Variants in SLC39A11 observed in about 807,000 individuals in gnomAD.
SLC39A11 encodes the protein zinc transporter ZIP11.
SLC39A11 carries 33 observed loss-of-function variants against 36.1 expected under a neutral mutation model. That is an observed-to-expected ratio of 0.91 (90% CI 0.69 to 1.22). SLC39A11 has a LOEUF of 1.22. Among genes scored for constraint, SLC39A11 ranks in the 50% most tolerant of loss-of-function variants. SLC39A11 has a pLI of 0.00. For missense variants in SLC39A11, 432 were observed against 430.3 expected, an observed-to-expected ratio of 1.00 and a Z score of -0.03; for synonymous variants, 166 against 170.3, an observed-to-expected ratio of 0.97 and a Z score of 0.20.
At chr17:72,999,980 C>G (rs2089727926) in intron 4 of SLC39A11, among the ~76,000 whole-genome samples, 1 of 151,960 alleles carries the variant, frequency 6.6e-6, no homozygotes, top group Non-Finnish European at 1.5e-5. Flanking sequence ...GAGCTCAGCT[C>G]ATCCACCCAC....
intron 4 of SLC39A11, among the ~76,000 whole-genome samples, chr17:72,966,976 T>C (rs1430010059): frequency 6.6e-6 from 1 of 152,158 alleles, no homozygotes; most frequent in African/African-American, 2.4e-5. Context: ...ATGAGCCCTA[T>C]TGTGAACTGT....
chr17:72,959,619 T>C (rs953298289), intron 4 of SLC39A11, among the ~76,000 whole-genome samples: 8 of 151,958 alleles, frequency 5.3e-5, no homozygotes, highest in Non-Finnish European at 1.2e-4. Flanking sequence ...GGGTGCTGTA[T>C]ACTGCTCGGG....
chr17:72,787,478 C>T (rs891669416), intron 6 of SLC39A11, among the ~76,000 whole-genome samples: 5 of 151,678 alleles, frequency 3.3e-5, no homozygotes, highest in East Asian at 2.0e-4. Context: ...AAGATTGTCT[C>T]GATCTCCTGA....
intron 6 of SLC39A11, among the ~76,000 whole-genome samples, chr17:72,782,687 C>CA (rs72447211): frequency 0.012 from 760 of 62,454 alleles, 63 homozygotes; most frequent in African/African-American, 0.029. Context: ...GACCCCATCT[C>CA]AAAAAAAAAA....
chr17:72,904,097 G>A (rs1466610177), intron 5 of SLC39A11, among the ~76,000 whole-genome samples: 1 of 152,210 alleles, frequency 6.6e-6, no homozygotes, highest in Non-Finnish European at 1.5e-5. Flanking sequence ...AGGGAGGGCA[G>A]ATGACACAGA....
intron 7 of SLC39A11, among the ~76,000 whole-genome samples, chr17:72,733,414 T>A (rs550193303): frequency 6.6e-6 from 1 of 152,180 alleles, no homozygotes; most frequent in African/African-American, 2.4e-5. Flanking sequence ...ATGAGACATA[T>A]ACCACTACTC....
At chr17:72,813,559 T>C in intron 6 of SLC39A11, among the ~76,000 whole-genome samples, 1 of 152,218 alleles carries the variant, frequency 6.6e-6, no homozygotes, top group South Asian at 2.1e-4. Flanking sequence ...TCTATCCTCC[T>C]CTATAATCAT....
intron 6 of SLC39A11, among the ~76,000 whole-genome samples, chr17:72,751,430 C>T (rs1028687866): frequency 6.6e-6 from 1 of 152,140 alleles, no homozygotes; most frequent in Non-Finnish European, 1.5e-5. Context: ...TCTTTCCTTC[C>T]TTCCTCCCTT....
intron 6 of SLC39A11, among the ~76,000 whole-genome samples, chr17:72,797,876 TAGA>T (rs757022119): frequency 2.0e-5 from 3 of 152,256 alleles, no homozygotes; most frequent in East Asian, 1.9e-4. Flanking sequence ...AGGGGAAGTC[TAGA>T]AGAAGGAGTT....
chr17:72,929,350 A>G (rs1435569406), intron 5 of SLC39A11, among the ~76,000 whole-genome samples: 2 of 152,198 alleles, frequency 1.3e-5, no homozygotes, highest in Admixed American at 6.5e-5. Flanking sequence ...GCTACCCCAT[A>G]AAGAACTGGC....
At chr17:72,919,540 C>T (rs1021658634) in intron 5 of SLC39A11, among the ~76,000 whole-genome samples, 12 of 151,628 alleles carry the variant, frequency 7.9e-5, no homozygotes, top group South Asian at 2.1e-4. Flanking sequence ...GGCGTGGTGG[C>T]GGGCGCCTGT....
At chr17:72,650,464 A>G (rs1009099320) in intron 7 of SLC39A11, among the ~76,000 whole-genome samples, 1 of 152,210 alleles carries the variant, frequency 6.6e-6, no homozygotes, top group Non-Finnish European at 1.5e-5. Context: ...ATCAGCCAAA[A>G]GTCAACTTGC....
intron 6 of SLC39A11, among the ~76,000 whole-genome samples, chr17:72,760,483 T>C (rs2075538860): frequency 6.6e-6 from 1 of 152,178 alleles, no homozygotes; most frequent in South Asian, 2.1e-4. Context: ...TGGCGTTGGT[T>C]TCCGTGTGGG....
chr17:72,856,931 T>C (rs2079672848), intron 5 of SLC39A11, among the ~76,000 whole-genome samples: 1 of 152,228 alleles, frequency 6.6e-6, no homozygotes, highest in African/African-American at 2.4e-5. Flanking sequence ...TCCACCTGCC[T>C]TGGCCTCCCA....
chr17:72,661,569 G>A (rs1055174110), intron 7 of SLC39A11, among the ~76,000 whole-genome samples: 3 of 152,160 alleles, frequency 2.0e-5, no homozygotes, highest in Non-Finnish European at 2.9e-5. Flanking sequence ...TCATCTTGCC[G>A]TGAAAGGCCT....
At chr17:72,819,680 C>A (rs2077700867) in intron 6 of SLC39A11, among the ~76,000 whole-genome samples, 1 of 151,206 alleles carries the variant, frequency 6.6e-6, no homozygotes, top group Non-Finnish European at 1.5e-5. Context: ...ATGAACAATT[C>A]AACAGTACAC....
At position 72,679,605 on chromosome 17, in the gene SLC39A11, G is replaced by C. The variant is rs2071422001; in HGVS notation, c.672-30337C>G. Among the ~76,000 whole-genome samples, 2 of 152,212 alleles carry C rather than the reference G, an allele frequency of 1.3e-5. 1 individual carries two copies. Among genetic ancestry groups the C allele is most frequent in the South Asian group, 4.1e-4 (2 of 4,828 alleles). On this transcript the variant is annotated intron_variant, in intron 7 of 9. Transcript: ENST00000255559. ...CTGGAGGAAGCTGGCCAGGTAAGGA[G>C]TTGAAGACCCACTGGAGGCAAAGGG...
intron 4 of SLC39A11, among the ~76,000 whole-genome samples, chr17:73,018,888 C>A (rs1347873128): frequency 2.0e-5 from 3 of 151,510 alleles, no homozygotes; most frequent in African/African-American, 7.3e-5. Flanking sequence ...GAAAACCACA[C>A]AAAGGCATAA....
intron 5 of SLC39A11, among the ~76,000 whole-genome samples, chr17:72,890,425 G>C (rs1288186815): frequency 6.6e-6 from 1 of 152,160 alleles, no homozygotes; most frequent in Non-Finnish European, 1.5e-5. Context: ...AAAATCAGCA[G>C]GGCTTGGTAA....
Sources: allele counts gnomAD v4.1 joint callset (sites outside exome capture counted in the v4.1 genomes callset), GRCh38; gene constraint gnomAD v4.1.1; transcripts MANE v1.5; gene names NCBI Gene and HGNC (gene_info 2026-07-23, HGNC 2026-07-21).